COL21A1: variants seen among roughly 807,000 people sequenced by gnomAD.
COL21A1 encodes the protein collagen type XXI alpha 1 chain, also known as collagen alpha-1(XXI) chain.
A neutral mutation model predicts 137.9 loss-of-function variants in COL21A1; 149 were observed. The observed-to-expected ratio is 1.08, with a 90% CI of 0.95 to 1.24. The LOEUF (loss-of-function observed/expected upper bound fraction) is 1.24. Among genes scored for constraint, COL21A1 ranks in the 50% most tolerant of loss-of-function variants. COL21A1 has a pLI of 0.00. For synonymous variants in COL21A1, 456 were observed against 391.5 expected (o/e 1.16, Z -1.95); for missense variants, 1,167 against 1,158.4 (o/e 1.01, Z -0.11).
At chr6:56,148,281 A>G (rs1168250758) in intron 10 of COL21A1, among the ~76,000 whole-genome samples, 6 of 149,588 alleles carry the variant, frequency 4.0e-5, no homozygotes, top group African/African-American at 1.5e-4. Flanking sequence ...GCCCAAGGGT[A>G]GGATAGTTCA....
At chr6:56,326,017 GTATATACATAATATATTATGTATAT>G in intron 1 of COL21A1, among the ~76,000 whole-genome samples, 1 of 79,064 alleles carries the variant, frequency 1.3e-5, no homozygotes, top group Non-Finnish European at 2.3e-5. Context: ...TTATGTATAT[GTATATACATAATATATTATGTATAT>G]GTATGTATAC....
chr6:56,285,569 T>A (rs1189125076), intron 1 of COL21A1, among the ~76,000 whole-genome samples: 1 of 152,224 alleles, frequency 6.6e-6, no homozygotes. Context: ...TCTCTTCTCA[T>A]TTCTTTTTTG....
chr6:56,149,273 T>C (rs144282171), intron 10 of COL21A1, among the ~76,000 whole-genome samples: 24 of 152,302 alleles, frequency 1.6e-4, no homozygotes, highest in African/African-American at 5.3e-4. Context: ...GAGTAGCTAA[T>C]GCTAAAGAAA....
intron 1 of COL21A1, among the ~76,000 whole-genome samples, chr6:56,353,541 T>C (rs980274743): frequency 2.0e-5 from 3 of 152,216 alleles, no homozygotes; most frequent in Admixed American, 6.5e-5. Context: ...CTTAGCTTAG[T>C]TCATTCAACC....
chr6:56,393,135 A>AT (rs1396930583), intron 1 of COL21A1, among the ~76,000 whole-genome samples: 1 of 152,156 alleles, frequency 6.6e-6, no homozygotes, highest in Non-Finnish European at 1.5e-5. Context: ...ACAACATGGT[A>AT]TTGGCAAAAA....
intron 17 of COL21A1, among the ~76,000 whole-genome samples, chr6:56,095,998 C>G (rs1011344998): frequency 9.9e-5 from 15 of 152,070 alleles, no homozygotes; most frequent in African/African-American, 3.1e-4. Flanking sequence ...AGGCGCCCAC[C>G]ACCACGCCTG....
At chr6:56,137,027 T>C (rs1377402750) in intron 12 of COL21A1, among the ~76,000 whole-genome samples, 1 of 152,074 alleles carries the variant, frequency 6.6e-6, no homozygotes, top group Non-Finnish European at 1.5e-5. Context: ...AAAACTACTC[T>C]GGCCAAAGCA....
At chr6:56,160,271 G>GA (rs576069721) in intron 9 of COL21A1, among the ~76,000 whole-genome samples, 1 of 152,222 alleles carries the variant, frequency 6.6e-6, no homozygotes, top group Non-Finnish European at 1.5e-5. Flanking sequence ...TGCATATATT[G>GA]AGTTAGCGAA....
At chr6:56,307,812 G>A (rs4712127) in intron 1 of COL21A1, among the ~76,000 whole-genome samples, 128,288 of 152,046 alleles carry the variant, frequency 0.84, 56,095 homozygotes, top group South Asian at 0.97. Context: ...CTTCTGCGTC[G>A]CTCACCCTGG....
Position 56,179,808 on chromosome 6 carries a change from T to C in COL21A1, c.410A>G (p.Lys137Arg). The change falls in exon 3 of 30, where the codon AAG (lysine) becomes AGG (arginine). Residue 137 changes from lysine to arginine, a missense_variant. Physicochemically the swap from Lys to Arg is conservative, Grantham distance 26. Transcript: ENST00000244728. ...LFAKSSRFLT[K>R]IAVVLTDGKS... The stretch of plus-strand genomic sequence containing the variant: ...GCCATCCGTAAGTACCACTGCTATC[T>C]TAGTCAGAAATCGTGAGGACTTGGC... 6.2e-7 allele frequency: 1 copy of C among 1,613,998 alleles called. No homozygotes were observed. Among genetic ancestry groups the C allele is most frequent in the South Asian group, 1.1e-5 (1 of 91,084 alleles).
chr6:56,150,935 G>C (rs1035347376), intron 10 of COL21A1, among the ~76,000 whole-genome samples: 1 of 152,128 alleles, frequency 6.6e-6, no homozygotes, highest in Non-Finnish European at 1.5e-5. Context: ...TTCATAAAGA[G>C]TAACTCGGCC....
In COL21A1 at chr6:56,132,756, G is replaced by T. The variant is rs1773659919; in HGVS notation, c.1543-6607C>A. 2.0e-5 allele frequency among the ~76,000 whole-genome samples: 3 copies of T among 152,282 alleles called. No individual in the cohort carries two copies. In the South Asian group the frequency reaches 6.2e-4, roughly 32 times the overall value. ...GGGAGGAACCCAGTGGGAGGTAATT[G>T]AATCATAGGGGCGGGTCTTTCACGT... On this transcript the variant is annotated intron_variant, in intron 12 of 29. Coordinates refer to ENST00000244728, the MANE Select transcript of COL21A1 (RefSeq NM_030820.4).
At chr6:56,109,108 T>TA (rs1239445507) in intron 16 of COL21A1, among the ~76,000 whole-genome samples, 1 of 150,444 alleles carries the variant, frequency 6.6e-6, no homozygotes, top group South Asian at 2.1e-4. Context: ...ACTACTTAGA[T>TA]AAAAAATAAC....
chr6:56,200,873 C>A (rs1023094157), intron 1 of COL21A1, among the ~76,000 whole-genome samples: 3 of 152,090 alleles, frequency 2.0e-5, no homozygotes, highest in African/African-American at 7.2e-5. Context: ...CCTGAGGAAT[C>A]GCCACACTGA....
chr6:56,118,634 C>T (rs1379408395), intron 16 of COL21A1, among the ~76,000 whole-genome samples: 1 of 151,976 alleles, frequency 6.6e-6, no homozygotes, highest in African/African-American at 2.4e-5. Context: ...CAAAACAAAA[C>T]TACAGGCCAA....
chr6:56,191,872 A>C (rs1399428949), intron 1 of COL21A1, among the ~76,000 whole-genome samples: 1 of 152,130 alleles, frequency 6.6e-6, no homozygotes, highest in Non-Finnish European at 1.5e-5. Context: ...TATAGAACCA[A>C]AAAAGAGCCC....
intron 24 of COL21A1, among the ~76,000 whole-genome samples, chr6:56,062,556 C>A (rs2114043664): frequency 1.3e-5 from 2 of 152,180 alleles, no homozygotes; most frequent in South Asian, 4.1e-4. Flanking sequence ...CAGTGTTCTG[C>A]AATTTAATAT....
intron 1 of COL21A1, among the ~76,000 whole-genome samples, chr6:56,280,956 G>A (rs1487912570): frequency 6.6e-6 from 1 of 152,170 alleles, no homozygotes; most frequent in East Asian, 1.9e-4. Flanking sequence ...AGTGGGCCAT[G>A]ACTGTGCCAC....
At chr6:56,269,341 A>T (rs1211535215) in intron 1 of COL21A1, among the ~76,000 whole-genome samples, 2 of 152,214 alleles carry the variant, frequency 1.3e-5, no homozygotes, top group East Asian at 1.9e-4. Flanking sequence ...AAAGAAAAAA[A>T]TCTTACAGGC....
Sources: gnomAD v4.1 joint callset for allele counts (sites outside exome capture counted in the v4.1 genomes callset) on GRCh38, gnomAD v4.1.1 for gene constraint, MANE v1.5 for transcripts, NCBI Gene and HGNC (gene_info 2026-07-23, HGNC 2026-07-21) for gene names.